Variants in UTP4 observed in about 807,000 individuals in gnomAD.
UTP4 encodes the protein U3 small nucleolar RNA-associated protein 4 homolog.
UTP4 carries 45 observed loss-of-function variants against 82.4 expected under a neutral mutation model. That is an observed-to-expected ratio of 0.55 (90% CI 0.43 to 0.70). The LOEUF is 0.70. Ranked by LOEUF, UTP4 falls within the 30% of genes least tolerant of loss-of-function variation. UTP4 has a pLI of 0.00. For missense variants in UTP4, 819 were observed against 858.3 expected (o/e 0.95, Z 0.57); for synonymous variants, 348 against 300.3 (o/e 1.16, Z -1.64).
At chr16:69,148,255 C>G (rs2152279633) in intron 6 of UTP4, among the ~76,000 whole-genome samples, 1 of 151,860 alleles carries the variant, frequency 6.6e-6, no homozygotes, top group African/African-American at 2.4e-5. Flanking sequence ...GCCACCGTGC[C>G]CAGCCTAATT....
intron 6 of UTP4, among the ~76,000 whole-genome samples, chr16:69,150,275 T>A (rs1169388255): frequency 6.6e-6 from 1 of 152,204 alleles, no homozygotes; most frequent in South Asian, 2.1e-4. Flanking sequence ...AATGCTATTC[T>A]AAGGAGATCT....
At chr16:69,149,920 G>C (rs1963216106) in intron 6 of UTP4, among the ~76,000 whole-genome samples, 2 of 151,954 alleles carry the variant, frequency 1.3e-5, no homozygotes, top group Non-Finnish European at 2.9e-5. Flanking sequence ...GTAGCGACGG[G>C]GTTCACCATG....
chr16:69,147,001 CAA>C (rs71148965), intron 6 of UTP4, among the ~76,000 whole-genome samples: 9 of 85,786 alleles, frequency 1.0e-4, no homozygotes, highest in Admixed American at 4.2e-4. Context: ...GACTCTGCCT[CAA>C]AAAAAAAAAA....
intron 12 of UTP4, among the ~76,000 whole-genome samples, chr16:69,158,490 T>G (rs553501222): frequency 1.3e-5 from 2 of 152,118 alleles, no homozygotes; most frequent in Non-Finnish European, 2.9e-5. Context: ...TCTTCAACTC[T>G]CACTGTTCAT....
chr16:69,154,819 C>T lies in UTP4; in HGVS notation c.1164+362C>T, dbSNP rs1325861889. Among the ~76,000 whole-genome samples, 4 of 152,112 alleles carry T rather than the reference C, an allele frequency of 2.6e-5. No individual in the cohort carries two copies. The East Asian group carries it at 5.8e-4, about 22-fold the overall frequency. On this transcript the variant is annotated intron_variant, in intron 10 of 16. Transcript: ENST00000314423. ...CCTCAGCTCACCGAAACCTCCGCCT[C>T]CTGGGTTCAAGCGATTCTCCTGCTT...
chr16:69,137,711 A>T (rs1427553403), intron 3 of UTP4, 90 bp from the exon 4 acceptor site: 4 of 771,970 alleles, frequency 5.2e-6, no homozygotes, highest in Non-Finnish European at 9.3e-6. Context: ...GAGAATAGAG[A>T]GAGTGTGTGT....
chr16:69,155,963 T>C lies in UTP4; in HGVS notation c.1257T>C (p.Asn419=), dbSNP rs149792921. 1.3e-3 allele frequency: 2,083 copies of C among 1,614,138 alleles called. 21 individuals carry two copies. The African/African-American group carries it at 0.019, about 15-fold the overall frequency. ...CTCGGTTTTTTCTCTATCGGCTGAA[T>C]TATGAACATGACAACATAAGCCTCA... ...TVSRFFLYRL[N]YEHDNISLKR... Residue 419 remains asparagine, a synonymous_variant, in exon 11 of 17, where the codon AAT becomes AAC. Transcript: ENST00000314423.
chr16:69,162,388 C>A (rs901119094), intron 13 of UTP4, among the ~76,000 whole-genome samples: 1 of 151,710 alleles, frequency 6.6e-6, no homozygotes, highest in Non-Finnish European at 1.5e-5. Context: ...CCAGCCCGGC[C>A]AACATAGTGA....
chr16:69,163,160 C>T lies in UTP4; in HGVS notation c.1629C>T (p.Ile543=), dbSNP rs554592005. Residue 543 remains isoleucine, a synonymous_variant, in exon 14 of 17, where the codon ATC becomes ATT. Coordinates refer to ENST00000314423, the MANE Select transcript of UTP4 (RefSeq NM_032830.3). The part of the protein sequence containing the change: ...AIAPNTNNLV[I]AHSDQQVFEY... ...CCCCCAATACCAACAACCTTGTCATCGCTCATTCGGACCAGCAGGTAAGGG... is the reference window on the plus strand; with the variant it reads ...CCCCCAATACCAACAACCTTGTCATTGCTCATTCGGACCAGCAGGTAAGGG... 3.2e-5 allele frequency: 51 copies of T among 1,613,512 alleles called. No individual in the cohort carries two copies. In the Admixed American group the frequency reaches 5.2e-4, roughly 16 times the overall value.
intron 4 of UTP4, among the ~76,000 whole-genome samples, chr16:69,138,719 T>C (rs1962876952): frequency 6.6e-6 from 1 of 152,178 alleles, no homozygotes; most frequent in South Asian, 2.1e-4. Flanking sequence ...CAAACCTACA[T>C]TGTCTGCCAA....
Position 69,153,793 on chromosome 16 carries a change from T to C in UTP4, c.1099+113T>C, listed in dbSNP as rs2288040. The C allele has an allele frequency of 7.8e-4, 591 of 757,998 alleles. 7 individuals carry two copies. The East Asian group carries it at 0.015, about 20-fold the overall frequency. The allele number at this position is 757,998 out of a possible 1,614,324, so 47.0% of individuals were successfully genotyped here. On this transcript the variant is annotated intron_variant, in intron 9 of 16. Coordinates refer to ENST00000314423, the MANE Select transcript of UTP4 (RefSeq NM_032830.3). The stretch of plus-strand genomic sequence containing the variant: ...AACTGAAGTAGACTTTTGTGTCCAT[T>C]TTAACTAATGGTTTTCCCACCCATT...
At chr16:69,144,888 T>C (rs1277926972) in intron 6 of UTP4, among the ~76,000 whole-genome samples, 1 of 152,164 alleles carries the variant, frequency 6.6e-6, no homozygotes, top group Non-Finnish European at 1.5e-5. Context: ...ACGCCTGTAG[T>C]CCCAGCACTT....
intron 8 of UTP4, 57 bp downstream of exon 8, chr16:69,150,961 C>CT: frequency 1.5e-6 from 2 of 1,331,578 alleles, no homozygotes; most frequent in Non-Finnish European, 2.2e-6. Context: ...CTGTGTCCCC[C>CT]TGTCCCACAA....
chr16:69,159,636 C>T (rs1246294138), intron 12 of UTP4, among the ~76,000 whole-genome samples: 3 of 151,290 alleles, frequency 2.0e-5, no homozygotes, highest in African/African-American at 4.9e-5. Flanking sequence ...TGCAGTGAGC[C>T]GAGATTGCAC....
chr16:69,140,272 A>C (rs1475574893), intron 5 of UTP4, among the ~76,000 whole-genome samples: 3 of 152,246 alleles, frequency 2.0e-5, no homozygotes, highest in African/African-American at 7.2e-5. Flanking sequence ...TTTTTGTAGC[A>C]TAATTGGTGA....
intron 12 of UTP4, among the ~76,000 whole-genome samples, chr16:69,158,161 CTTTTT>C (rs34392768): frequency 2.5e-5 from 1 of 40,422 alleles, no homozygotes; most frequent in Non-Finnish European, 4.4e-5. Flanking sequence ...AAAGTCAACT[CTTTTT>C]TTTTTTTTTT....
chr16:69,165,137 G>A (rs1423779893), intron 14 of UTP4, among the ~76,000 whole-genome samples: 3 of 151,892 alleles, frequency 2.0e-5, no homozygotes, highest in African/African-American at 7.3e-5. Context: ...GGAGCTTGCA[G>A]TGAGCGGAGA....
rs1022743906 is a variant in UTP4, at chr16:69,146,419, C to T, written c.738+3030C>T. On this transcript the variant is annotated intron_variant, in intron 6 of 16. Coordinates refer to ENST00000314423, the MANE Select transcript of UTP4 (RefSeq NM_032830.3). ...TTTGTATCTGGCTTATTTTACTTAG[C>T]ATATTGTTCTCAAGGTTCATCCATC... Among the ~76,000 whole-genome samples, 39 of 152,308 alleles carry T rather than the reference C, an allele frequency of 2.6e-4. 1 individual carries two copies. The highest frequency in any genetic ancestry group is 7.5e-4 in the African/African-American group (31 of 41,576).
chr16:69,167,638 C>CAAA, intron 16 of UTP4: 2 of 130,538 alleles, frequency 1.5e-5, no homozygotes, highest in Non-Finnish European at 3.3e-5. Flanking sequence ...TCACTATTAA[C>CAAA]AAAAAAAAAA....
Sources: gnomAD v4.1 joint callset for allele counts (sites outside exome capture counted in the v4.1 genomes callset) on GRCh38, gnomAD v4.1.1 for gene constraint, MANE v1.5 for transcripts, NCBI Gene and HGNC (gene_info 2026-07-23, HGNC 2026-07-21) for gene names.